Variants in GHR observed in about 807,000 individuals in gnomAD.
The protein encoded by GHR is GH receptor.
A neutral mutation model predicts 67.1 loss-of-function variants in GHR; 35 were observed. That is an observed-to-expected ratio of 0.52 (90% CI 0.40 to 0.69). The LOEUF (loss-of-function observed/expected upper bound fraction) is 0.69. Among genes scored for constraint, GHR ranks in the 30% least tolerant of loss-of-function variants. The pLI is 0.00. For missense variants in GHR, 792 were observed against 764.6 expected (o/e 1.04, Z -0.42); for synonymous variants, 272 against 269.1 (o/e 1.01, Z -0.10).
chr5:42,682,379 C>G (rs375322128), intron 3 of GHR, among the ~76,000 whole-genome samples: 3 of 152,246 alleles, frequency 2.0e-5, no homozygotes, highest in African/African-American at 7.2e-5. Context: ...ATTTTCTGTT[C>G]CTGGCTAATC....
intron 1 of GHR, among the ~76,000 whole-genome samples, chr5:42,537,807 A>G (rs961314401): frequency 3.3e-5 from 5 of 152,088 alleles, no homozygotes; most frequent in Admixed American, 6.6e-5. Flanking sequence ...TCTTAGGTCT[A>G]TTAGTAATTG....
At chr5:42,555,006 C>T (rs796847843) in intron 1 of GHR, among the ~76,000 whole-genome samples, 1 of 152,294 alleles carries the variant, frequency 6.6e-6, no homozygotes, top group African/African-American at 2.4e-5. Context: ...CAAGCTATTA[C>T]ACCTCCTTTG....
At chr5:42,500,206 CAG>C (rs1430575734) in intron 1 of GHR, among the ~76,000 whole-genome samples, 3 of 152,338 alleles carry the variant, frequency 2.0e-5, no homozygotes, top group Middle Eastern at 3.4e-3. Flanking sequence ...GACTTTGTGC[CAG>C]ACACAAGCTG....
At chr5:42,438,461 G>A (rs1743430140) in intron 1 of GHR, among the ~76,000 whole-genome samples, 1 of 152,176 alleles carries the variant, frequency 6.6e-6, no homozygotes, top group African/African-American at 2.4e-5. Flanking sequence ...ATTAAATGGA[G>A]TAAAGTGGAA....
At chr5:42,430,927 A>C (rs192097356) in intron 1 of GHR, among the ~76,000 whole-genome samples, 1 of 152,286 alleles carries the variant, frequency 6.6e-6, no homozygotes, top group Non-Finnish European at 1.5e-5. Flanking sequence ...ATAGTAAATT[A>C]GATGTCAAGA....
At chr5:42,464,130 A>T (rs563625173) in intron 1 of GHR, among the ~76,000 whole-genome samples, 2 of 146,166 alleles carry the variant, frequency 1.4e-5, no homozygotes, top group South Asian at 4.4e-4. Flanking sequence ...CAGTCTTCTG[A>T]CTTCTAATTT....
chr5:42,545,683 C>A (rs1748704238), intron 1 of GHR, among the ~76,000 whole-genome samples: 1 of 152,186 alleles, frequency 6.6e-6, no homozygotes, highest in Non-Finnish European at 1.5e-5. Context: ...CTTACAAATA[C>A]CATCTCAGAG....
chr5:42,526,185 TA>T lies in GHR; in HGVS notation c.-11-39667del, dbSNP rs949555835. Among the ~76,000 whole-genome samples the T allele has an allele frequency of 8.0e-3, 1,161 of 144,518 alleles. 5 individuals are homozygous for T. Among genetic ancestry groups the T allele is most frequent in the Admixed American group, 0.013 (191 of 14,530 alleles). The allele number at this position is 144,518 out of a possible 152,430, so 94.8% of individuals were successfully genotyped here. ...CTACTCCAGTGAATACATAAGTTAT[TA>T]AAAAAAAAAAAGTGACACAGCCTTA... is the stretch of plus-strand genomic sequence containing the variant. On this transcript the variant is annotated intron_variant, in intron 1 of 9. Transcript: ENST00000230882.
chr5:42,519,902 T>C (rs1260716069), intron 1 of GHR, among the ~76,000 whole-genome samples: 1 of 152,206 alleles, frequency 6.6e-6, no homozygotes, highest in East Asian at 1.9e-4. Flanking sequence ...TTGTTTTTGC[T>C]GCAATTTGTT....
chr5:42,560,921 G>T (rs369257156), intron 1 of GHR, among the ~76,000 whole-genome samples: 47 of 152,144 alleles, frequency 3.1e-4, no homozygotes, highest in African/African-American at 1.1e-3. Flanking sequence ...AAGGGCGGCT[G>T]TACCCTAAGG....
intron 1 of GHR, among the ~76,000 whole-genome samples, chr5:42,434,227 A>G (rs1743224607): frequency 6.6e-6 from 1 of 152,124 alleles, no homozygotes; most frequent in African/African-American, 2.4e-5. Flanking sequence ...TCCTGGCCCA[A>G]TAGAGCCATA....
intron 1 of GHR, among the ~76,000 whole-genome samples, chr5:42,521,307 C>T (rs1226254570): frequency 6.6e-6 from 1 of 152,172 alleles, no homozygotes; most frequent in Non-Finnish European, 1.5e-5. Flanking sequence ...CCCTCATACA[C>T]AGCAATGGGC....
intron 1 of GHR, among the ~76,000 whole-genome samples, chr5:42,553,823 T>C (rs1227373621): frequency 6.6e-6 from 1 of 152,228 alleles, no homozygotes; most frequent in Non-Finnish European, 1.5e-5. Context: ...TATACAAGTG[T>C]ATTCTTTTTA....
At chr5:42,443,958 G>GATATAGATATAGATATAGAT (rs1554052073) in intron 1 of GHR, among the ~76,000 whole-genome samples, 8 of 148,088 alleles carry the variant, frequency 5.4e-5, no homozygotes, top group African/African-American at 2.0e-4. Context: ...TATAGATATA[G>GATATAGATATAGATATAGAT]ATAGATATAG....
At chr5:42,510,697 GTA>G (rs1465386651) in intron 1 of GHR, among the ~76,000 whole-genome samples, 1 of 152,216 alleles carries the variant, frequency 6.6e-6, no homozygotes, top group Non-Finnish European at 1.5e-5. Flanking sequence ...CACAAAAACA[GTA>G]GCATGGAGAT....
intron 1 of GHR, among the ~76,000 whole-genome samples, chr5:42,496,040 T>A (rs1746307950): frequency 6.6e-6 from 1 of 152,290 alleles, no homozygotes; most frequent in South Asian, 2.1e-4. Context: ...ACTCCTGGCA[T>A]CTGCCTGGCT....
rs1455584033 is a variant in GHR, at chr5:42,618,412, C to T, written c.71-10626C>T. On this transcript the variant is annotated intron_variant, in intron 2 of 9. Transcript: ENST00000230882. ...TGTATGCATTTTTCTGCTAAGACTG[C>T]TAATTAATTTAAAAAGAGATTGTTA... Among the ~76,000 whole-genome samples the T allele has an allele frequency of 2.0e-5, 3 of 152,132 alleles. No individual in the cohort carries two copies. In the East Asian group the frequency reaches 5.8e-4, roughly 29 times the overall value.
chr5:42,472,669 T>C (rs1423912848), intron 1 of GHR, among the ~76,000 whole-genome samples: 1 of 152,190 alleles, frequency 6.6e-6, no homozygotes, highest in Non-Finnish European at 1.5e-5. Flanking sequence ...GACTAAGGCC[T>C]ATAAGAGAGC....
At chr5:42,700,139 C>T (rs36201175) in intron 6 of GHR, 137 bp downstream of exon 6, 5 of 671,052 alleles carry the variant, frequency 7.5e-6, no homozygotes, top group Admixed American at 4.3e-5. Flanking sequence ...ATTGAGAAAA[C>T]ATTATTTAAC....
Sources: gnomAD v4.1 joint callset for allele counts (sites outside exome capture counted in the v4.1 genomes callset) on GRCh38, gnomAD v4.1.1 for gene constraint, MANE v1.5 for transcripts, NCBI Gene and HGNC (gene_info 2026-07-23, HGNC 2026-07-21) for gene names.